Variants in SCOC observed in about 807,000 individuals in gnomAD.
SCOC encodes the protein short coiled coil protein.
A neutral mutation model predicts 9.9 loss-of-function variants in SCOC; 7 were observed. The ratio of observed to expected loss-of-function variants is 0.71; its 90% CI spans 0.40 to 1.33. The LOEUF is 1.33. SCOC is among the 40% of genes most tolerant of loss of function. The pLI is 0.01. For missense variants in SCOC, 66 were observed against 89.7 expected (o/e 0.74, Z 1.07); for synonymous variants, 19 against 28.2 (o/e 0.67, Z 1.03).
At chr4:140,291,983 G>A (rs1318291449) in intron 1 of SCOC, among the ~76,000 whole-genome samples, 1 of 151,976 alleles carries the variant, frequency 6.6e-6, no homozygotes, top group Non-Finnish European at 1.5e-5. Flanking sequence ...ATGGGGCCCA[G>A]GTCTGAAAAT....
At chr4:140,301,975 A>G (rs571413262) in intron 1 of SCOC, among the ~76,000 whole-genome samples, 1 of 152,112 alleles carries the variant, frequency 6.6e-6, no homozygotes, top group African/African-American at 2.4e-5. Flanking sequence ...CTGGGACCAC[A>G]GGCGCATGCC....
At position 140,382,155 on chromosome 4, in the gene SCOC, A is replaced by C. The variant is rs143198242; in HGVS notation, c.*1051A>C. 1 of 152,294 alleles carries C rather than the reference A, an allele frequency of 6.6e-6. No homozygotes were observed. The highest frequency in any genetic ancestry group is 2.4e-5 in the African/African-American group (1 of 41,572). The allele number at this position is 152,294 out of a possible 1,614,324, so 9.4% of individuals were successfully genotyped here. A position where few individuals can be genotyped will look rare whatever the true frequency, so the allele number is the denominator to read the frequency against. On this transcript the variant is annotated 3_prime_UTR_variant, in exon 4 of 4. Coordinates refer to ENST00000608372, the MANE Select transcript of SCOC (RefSeq NM_001153484.2). ...ATAGTGAATAAAATGGGAAAGTTAT[A>C]CATGTATACTTATTATCTTGCTCAG...
At chr4:140,344,425 C>T (rs899187173) in intron 2 of SCOC, among the ~76,000 whole-genome samples, 1 of 152,144 alleles carries the variant, frequency 6.6e-6, no homozygotes, top group South Asian at 2.1e-4. Flanking sequence ...ATGGGGGTTA[C>T]TAATTTTGAT....
At chr4:140,324,562 G>C (rs1346351568) in intron 1 of SCOC, among the ~76,000 whole-genome samples, 2 of 152,028 alleles carry the variant, frequency 1.3e-5, no homozygotes, top group African/African-American at 4.8e-5. Context: ...GTTGTCATTT[G>C]ATATTAAGAA....
At chr4:140,317,515 C>T (rs570448548) in intron 1 of SCOC, among the ~76,000 whole-genome samples, 4 of 152,072 alleles carry the variant, frequency 2.6e-5, no homozygotes, top group South Asian at 2.1e-4. Context: ...CCCTCTCTTG[C>T]GGACCCCCTT....
chr4:140,338,367 A>C (rs1464233230), intron 1 of SCOC, among the ~76,000 whole-genome samples: 8 of 152,282 alleles, frequency 5.3e-5, no homozygotes, highest in South Asian at 2.1e-4. Flanking sequence ...AAACTGGAAG[A>C]ATTCCCTTTG....
At chr4:140,335,038 T>TTTAG (rs1288146318) in intron 1 of SCOC, among the ~76,000 whole-genome samples, 2 of 152,206 alleles carry the variant, frequency 1.3e-5, no homozygotes, top group African/African-American at 4.8e-5. Flanking sequence ...ACTTGGTATG[T>TTTAG]GTGTATGTTT....
In SCOC at chr4:140,381,344, G is replaced by T. The variant is rs1358354113; in HGVS notation, c.*240G>T. On this transcript the variant is annotated 3_prime_UTR_variant, in exon 4 of 4. Coordinates refer to ENST00000608372, the MANE Select transcript of SCOC (RefSeq NM_001153484.2). ...TATGATTAGAATTGCATATATTTAT[G>T]AAACTTAAAGATGAATGTTTTATTG... is the stretch of plus-strand genomic sequence containing the variant. The T allele has an allele frequency of 6.5e-6, 2 of 307,054 alleles. No individual in the cohort carries two copies. The highest frequency in any genetic ancestry group is 4.4e-5 in the African/African-American group (2 of 45,218). The allele number at this position is 307,054 out of a possible 1,614,324, so 19.0% of individuals were successfully genotyped here.
chr4:140,282,606 G>A (rs1289815549), intron 1 of SCOC, among the ~76,000 whole-genome samples: 4 of 152,174 alleles, frequency 2.6e-5, no homozygotes, highest in Non-Finnish European at 5.9e-5. Context: ...ATGTGCTAAT[G>A]CTAAAGTCAA....
chr4:140,329,114 G>A (rs974867226), intron 1 of SCOC, among the ~76,000 whole-genome samples: 6 of 152,146 alleles, frequency 3.9e-5, no homozygotes, highest in African/African-American at 7.2e-5. Context: ...ATAGACCAGA[G>A]GAACAGAATA....
chr4:140,282,115 A>G (rs971260788), intron 1 of SCOC, among the ~76,000 whole-genome samples: 1 of 152,208 alleles, frequency 6.6e-6, no homozygotes, highest in Non-Finnish European at 1.5e-5. Context: ...GAAGCTCTGT[A>G]ATAACACCAA....
chr4:140,338,949 CT>C (rs1726385221), upstream of SCOC, among the ~76,000 whole-genome samples: 1 of 152,210 alleles, frequency 6.6e-6, no homozygotes, highest in Non-Finnish European at 1.5e-5. Flanking sequence ...GAAAAAACTA[CT>C]TTAAAGTTCA....
intron 1 of SCOC, among the ~76,000 whole-genome samples, chr4:140,305,944 T>A (rs1731967784): frequency 6.6e-6 from 1 of 152,224 alleles, no homozygotes; most frequent in African/African-American, 2.4e-5. Flanking sequence ...AATCCTTCTT[T>A]CTTGAGCTTC....
Position 140,347,548 on chromosome 4 carries a change from G to A in SCOC, c.70+3840G>A, listed in dbSNP as rs1429513759. Among the ~76,000 whole-genome samples, 8 of 151,986 alleles carry A rather than the reference G, an allele frequency of 5.3e-5. No individual in the cohort carries two copies. The South Asian group carries it at 6.2e-4, about 12-fold the overall frequency. On this transcript the variant is annotated intron_variant, in intron 2 of 4. Transcript: ENST00000338517. ...CTTTTGGGAACCTGTGTCCTCCAGC[G>A]TTTCCCTAAGACTCTGTCCTTGGCT...
chr4:140,314,726 G>T (rs1456402074), intron 1 of SCOC, among the ~76,000 whole-genome samples: 1 of 152,160 alleles, frequency 6.6e-6, no homozygotes, highest in Non-Finnish European at 1.5e-5. Flanking sequence ...GTGGAAGTTG[G>T]CAGAGCAGCT....
Position 140,374,287 on chromosome 4 carries a change from G to T in SCOC, c.-51+570G>T, listed in dbSNP as rs540244278. ...AACAAGTTTTGGGAAGAAAGGTTTG[G>T]AAAGGAGAAAGAGGATACATTCCTG... is the stretch of plus-strand genomic sequence containing the variant. On this transcript the variant is annotated intron_variant, in intron 1 of 3. Coordinates refer to ENST00000608372, the MANE Select transcript of SCOC (RefSeq NM_001153484.2). The T allele has an allele frequency of 8.6e-5, 35 of 408,120 alleles. No individual in the cohort carries two copies. In the Admixed American group the frequency reaches 9.3e-4, roughly 11 times the overall value. The allele number at this position is 408,120 out of a possible 1,614,324, so 25.3% of individuals were successfully genotyped here.
upstream of SCOC, among the ~76,000 whole-genome samples, chr4:140,340,808 TA>T (rs1726487931): frequency 8.9e-6 from 1 of 111,814 alleles, no homozygotes; most frequent in Non-Finnish European, 1.8e-5. Context: ...TTTTTTTTTT[TA>T]GAGGGATAGT....
At chr4:140,354,660 A>C (rs1727132659) in intron 2 of SCOC, among the ~76,000 whole-genome samples, 2 of 151,914 alleles carry the variant, frequency 1.3e-5, no homozygotes, top group Admixed American at 1.3e-4. Context: ...ATTCGTAACT[A>C]ATTGATTATT....
chr4:140,280,435 T>C (rs959390738), intron 1 of SCOC, among the ~76,000 whole-genome samples: 2 of 152,150 alleles, frequency 1.3e-5, no homozygotes, highest in African/African-American at 4.8e-5. Flanking sequence ...GGCCATGTTG[T>C]GATTTTTTAC....
Sources: allele counts gnomAD v4.1 joint callset (sites outside exome capture counted in the v4.1 genomes callset), GRCh38; gene constraint gnomAD v4.1.1; transcripts MANE v1.5; gene names NCBI Gene and HGNC (gene_info 2026-07-23, HGNC 2026-07-21).